Variants in ZNF398 observed in about 807,000 individuals in gnomAD.
ZNF398 encodes the protein zinc finger protein 398, also known as zinc finger DNA binding protein ZER6.
ZNF398 carries 18 observed loss-of-function variants against 41.9 expected under a neutral mutation model. The observed-to-expected ratio is 0.43, with a 90% confidence interval of 0.30 to 0.64. The LOEUF is 0.64. Among genes scored for constraint, ZNF398 ranks in the 30% least tolerant of loss-of-function variants. The pLI, the probability that ZNF398 is intolerant of heterozygous loss-of-function variation, is 0.14. For missense variants in ZNF398, 669 were observed against 822.8 expected (o/e 0.81, Z 2.29); for synonymous variants, 260 against 308.8 (o/e 0.84, Z 1.66).
chr7:149,141,039 CA>C (rs60228279), intron 2 of ZNF398, among the ~76,000 whole-genome samples: 2,008 of 119,998 alleles, frequency 0.017, 7 homozygotes, highest in Admixed American at 0.021. Context: ...CAGCCTGTCT[CA>C]AAAAAAAAAA....
In ZNF398 at chr7:149,147,893, G is replaced by C; in HGVS notation, c.24+127G>C. 1 of 1,148,848 alleles carries C rather than the reference G, an allele frequency of 8.7e-7. No individual in the cohort carries two copies. Among genetic ancestry groups the C allele is most frequent in the Non-Finnish European group, 1.1e-6 (1 of 897,874 alleles). The allele number at this position is 1,148,848 out of a possible 1,614,324, so 71.2% of individuals were successfully genotyped here. ...GGTCCCGCCGGCCACGTCGCCTGTC[G>C]CCCGTGCTTGGCGGCTGCAGCCTCG... On this transcript the variant is annotated intron_variant, in intron 1 of 5. Transcript: ENST00000475153. The surrounding 1 kb of genome is among the most constrained non-coding windows in gnomAD (Gnocchi z 5.6).
intron 2 of ZNF398, among the ~76,000 whole-genome samples, chr7:149,160,176 C>T (rs1344751856): frequency 3.3e-5 from 5 of 152,162 alleles, no homozygotes; most frequent in South Asian, 4.1e-4. Flanking sequence ...CGGTGACTCA[C>T]GCCTGTAATC....
intron 2 of ZNF398, among the ~76,000 whole-genome samples, chr7:149,142,103 C>T (rs576256894): frequency 1.3e-5 from 2 of 152,042 alleles, no homozygotes; most frequent in South Asian, 2.1e-4. Flanking sequence ...GGTGAGTCAC[C>T]GTGCCTGGAC....
chr7:149,176,434 A>G (rs774978413), intron 4 of ZNF398, 34 bp from the exon 5 acceptor site: 10 of 1,453,616 alleles, frequency 6.9e-6, no homozygotes, highest in Middle Eastern at 1.7e-4. Flanking sequence ...ATTCAAGTTC[A>G]TGAAGGCCAT....
At chr7:149,139,701 G>C (rs375610180) in intron 2 of ZNF398, among the ~76,000 whole-genome samples, 4 of 137,852 alleles carry the variant, frequency 2.9e-5, no homozygotes, top group African/African-American at 1.1e-4. Context: ...CCTGGCAACA[G>C]ATAAATAAAT....
At chr7:149,173,656 T>A (rs1462020777) in intron 4 of ZNF398, among the ~76,000 whole-genome samples, 2 of 152,200 alleles carry the variant, frequency 1.3e-5, no homozygotes, top group Non-Finnish European at 2.9e-5. Context: ...AAAGGAATTT[T>A]TTCTTCTGAG....
intron 2 of ZNF398, among the ~76,000 whole-genome samples, chr7:149,154,751 A>G (rs1353973200): frequency 2.0e-5 from 3 of 152,126 alleles, no homozygotes; most frequent in African/African-American, 7.2e-5. Flanking sequence ...GCACTTTGGG[A>G]GGCTGAGATG....
At chr7:149,128,504 T>C (rs1826530666) in intron 1 of ZNF398, among the ~76,000 whole-genome samples, 2 of 152,018 alleles carry the variant, frequency 1.3e-5, no homozygotes, top group South Asian at 4.1e-4. Flanking sequence ...CCCAGCACTT[T>C]GGGAGGCTGA....
chr7:149,152,903 A>G (rs1189116081), intron 1 of ZNF398, among the ~76,000 whole-genome samples: 2 of 140,666 alleles, frequency 1.4e-5, no homozygotes, highest in Admixed American at 7.5e-5. Context: ...TCTGTTGCCC[A>G]TGCTGCAGTG....
intron 1 of ZNF398, among the ~76,000 whole-genome samples, chr7:149,152,264 T>TTC (rs1416342643): frequency 2.7e-4 from 1 of 3,722 alleles, no homozygotes; most frequent in African/African-American, 4.6e-4. Context: ...TAAAGATTTC[T>TTC]TTTTTTTTTT....
intron 2 of ZNF398, among the ~76,000 whole-genome samples, chr7:149,136,425 A>C (rs751489199): frequency 1.3e-5 from 2 of 152,140 alleles, no homozygotes; most frequent in Non-Finnish European, 2.9e-5. Context: ...CTCACTTCCC[A>C]GTTTAAATTT....
Position 149,153,982 on chromosome 7 carries a change from A to C in ZNF398, c.62A>C (p.Gln21Pro). Reference sequence around the variant, plus strand: ...GACTCCGAGTGCCTTACATCCCTGCAGCCCCTTCCTCTTCCTACACCCCCA... The same window carrying C: ...GACTCCGAGTGCCTTACATCCCTGCCGCCCCTTCCTCTTCCTACACCCCCA... The part of the protein sequence containing the change: ...EWDSECLTSL[Q>P]PLPLPTPPAA... Residue 21 changes from glutamine to proline, a missense_variant, in exon 2 of 6, where the codon CAG becomes CCG. This residue lies in a region of ZNF398 where 169 missense variants were observed against 239.5 expected (regional missense o/e 0.71). Transcript: ENST00000475153. The C allele has an allele frequency of 6.2e-7, 1 of 1,613,862 alleles. No individual in the cohort carries two copies. The highest frequency in any genetic ancestry group is 8.5e-7 in the Non-Finnish European group (1 of 1,179,904).
chr7:149,135,093 A>C (rs1199203460), intron 2 of ZNF398, among the ~76,000 whole-genome samples: 1 of 152,190 alleles, frequency 6.6e-6, no homozygotes, highest in African/African-American at 2.4e-5. Flanking sequence ...TGAAGAAGGC[A>C]GGCATTTGAA....
At chr7:149,144,343 G>T (rs563577507), upstream of ZNF398, among the ~76,000 whole-genome samples, 1 of 152,114 alleles carries the variant, frequency 6.6e-6, no homozygotes, top group Non-Finnish European at 1.5e-5. Context: ...TGGGATGTCA[G>T]TCTGTCGCCC....
chr7:149,169,787 G>C (rs964151630), intron 4 of ZNF398, among the ~76,000 whole-genome samples: 2 of 152,066 alleles, frequency 1.3e-5, no homozygotes, highest in African/African-American at 2.4e-5. Flanking sequence ...ATATGCTCCT[G>C]GCTCTGTTGG....
At chr7:149,155,731 A>ATTTTTTTTTTTTTTTT (rs1235445656) in intron 2 of ZNF398, among the ~76,000 whole-genome samples, 4 of 56,918 alleles carry the variant, frequency 7.0e-5, no homozygotes, top group Non-Finnish European at 1.4e-4. Flanking sequence ...TTTTTTTTTA[A>ATTTTTTTTTTTTTTTT]TTTTTTTTTT....
rs113060841 is a variant in ZNF398 at position 149,176,541 on chromosome 7, G to T, written c.735G>T (p.Pro245=). ...AAGAGCCTCAGGTTGGGGCCCCACC[G>T]GAGTCCAAGGAGAGTGACGTGTACA... ...QEEEPQVGAP[P]ESKESDVYKS... The change falls in exon 5 of 6, where the codon CCG becomes CCT. Residue 245 remains proline (P), a synonymous_variant. Transcript: ENST00000475153. 2 of 1,611,754 alleles carry T rather than the reference G, an allele frequency of 1.2e-6. No individual in the cohort carries two copies. The highest frequency in any genetic ancestry group is 2.7e-5 in the African/African-American group (2 of 74,640).
chr7:149,137,236 T>C (rs1826734517), intron 2 of ZNF398, among the ~76,000 whole-genome samples: 1 of 152,166 alleles, frequency 6.6e-6, no homozygotes, highest in Non-Finnish European at 1.5e-5. Flanking sequence ...TTTTAGATTC[T>C]TGTTTTATTG....
chr7:149,149,090 G>A (rs1827043376), intron 1 of ZNF398, among the ~76,000 whole-genome samples: 2 of 151,370 alleles, frequency 1.3e-5, no homozygotes, highest in East Asian at 3.9e-4. Flanking sequence ...AATCACTTGA[G>A]TCCAGGAGTT....
Sources: allele counts gnomAD v4.1 joint callset (sites outside exome capture counted in the v4.1 genomes callset), GRCh38; gene constraint gnomAD v4.1.1; regional missense constraint gnomAD v4.1.1; non-coding constraint Gnocchi (gnomAD v3.1); transcripts MANE v1.5; gene names NCBI Gene and HGNC (gene_info 2026-07-23, HGNC 2026-07-21).